Variants in SGSM3 observed in about 807,000 individuals in gnomAD.
The protein encoded by SGSM3 is small G protein signaling modulator 3.
SGSM3 carries 96 observed loss-of-function variants against 100.5 expected under a neutral mutation model. The ratio of observed to expected loss-of-function variants is 0.96; its 90% CI spans 0.81 to 1.13. The LOEUF (loss-of-function observed/expected upper bound fraction) is 1.13, where lower values mean the gene tolerates loss of function less well. SGSM3 is among the 50% of genes most tolerant of loss of function. The pLI is 0.00. For missense variants in SGSM3, 1,001 were observed against 1,015.8 expected, an observed-to-expected ratio of 0.99 and a Z score of 0.20; for synonymous variants, 483 against 422.8, an observed-to-expected ratio of 1.14 and a Z score of -1.75.
At chr22:40,406,312 A>C in intron 9 of SGSM3, 89 bp downstream of exon 9, 1 of 1,560,130 alleles carries the variant, frequency 6.4e-7, no homozygotes, top group Middle Eastern at 2.0e-4. Context: ...AGGCAAGACC[A>C]GCCCCCTGGC....
chr22:40,405,568 T>A, intron 7 of SGSM3, 81 bp from the exon 8 acceptor site: 2 of 1,304,360 alleles, frequency 1.5e-6, no homozygotes, highest in South Asian at 2.9e-5. Context: ...TTTTGCTAAT[T>A]GGTCTCCCTA....
chr22:40,410,095 C>CTGTCT lies in SGSM3; in HGVS notation c.*338_*342dup, dbSNP rs1555954230. On this transcript the variant is annotated 3_prime_UTR_variant, in exon 22 of 22. Coordinates refer to ENST00000248929, the MANE Select transcript of SGSM3 (RefSeq NM_015705.6). The stretch of plus-strand genomic sequence containing the variant: ...TCTTTGGTTTATAAATAAACTGTGT[C>CTGTCT]TGTCTTTGAGAAAGCACCTACCTGT... The CTGTCT allele has an allele frequency of 5.8e-6, 7 of 1,199,602 alleles. No homozygotes were observed. The highest frequency in any genetic ancestry group is 5.7e-5 in the South Asian group (2 of 34,840). 74.3% of individuals were successfully genotyped at this position (1,199,602 alleles called of 1,614,324 possible).
Position 40,409,884 on chromosome 22 carries a change from C to CCCCACTCCACGTT in SGSM3, c.*129_*141dup. The CCCCACTCCACGTT allele has an allele frequency of 3.5e-6, 5 of 1,436,376 alleles. No individual in the cohort carries two copies. The South Asian group carries it at 6.0e-5, about 17-fold the overall frequency. 89.0% of individuals were successfully genotyped at this position (1,436,376 alleles called of 1,614,324 possible). A position where few individuals can be genotyped will look rare whatever the true frequency, so the allele number is the denominator to read the frequency against. ...GCCGCGGGATATCAATATCAGGCTGCCCCACTCCACGTTCCCCAGCACATC... is the reference window on the plus strand; with the variant it reads ...GCCGCGGGATATCAATATCAGGCTGCCCCACTCCACGTTCCCACTCCACGTTCCCCAGCACATC... On this transcript the variant is annotated 3_prime_UTR_variant, in exon 22 of 22. Transcript: ENST00000248929.
chr22:40,403,323 T>C (rs1238798014), intron 4 of SGSM3, among the ~76,000 whole-genome samples: 2 of 152,206 alleles, frequency 1.3e-5, no homozygotes, highest in African/African-American at 4.8e-5. Flanking sequence ...GTTGCTGGGC[T>C]GCCACAGGAG....
intron 1 of SGSM3, among the ~76,000 whole-genome samples, chr22:40,392,018 C>T (rs1181415397): frequency 6.6e-6 from 1 of 152,126 alleles, no homozygotes; most frequent in Admixed American, 6.5e-5. Flanking sequence ...CTGCACTTTT[C>T]CTTGTTTGTA....
At chr22:40,398,611 T>A (rs2050344108) in intron 1 of SGSM3, among the ~76,000 whole-genome samples, 1 of 141,808 alleles carries the variant, frequency 7.1e-6, no homozygotes, top group African/African-American at 2.6e-5. Flanking sequence ...ACATGTTATG[T>A]GGAACCATAC....
At chr22:40,377,885 T>G (rs946170576) in intron 1 of SGSM3, among the ~76,000 whole-genome samples, 2 of 151,832 alleles carry the variant, frequency 1.3e-5, no homozygotes, top group African/African-American at 4.8e-5. Flanking sequence ...CAGCTAACTT[T>G]AACCTGAAGA....
At chr22:40,393,663 A>G (rs1313354656) in intron 1 of SGSM3, among the ~76,000 whole-genome samples, 7 of 152,232 alleles carry the variant, frequency 4.6e-5, no homozygotes, top group African/African-American at 1.7e-4. Context: ...CTGTAACAGA[A>G]TATGCTGGGT....
At chr22:40,381,549 T>C (rs2047586774) in intron 1 of SGSM3, among the ~76,000 whole-genome samples, 1 of 152,196 alleles carries the variant, frequency 6.6e-6, no homozygotes, top group African/African-American at 2.4e-5. Flanking sequence ...ATCTAGAAGC[T>C]AAATAACTGG....
rs201695534 is a variant in SGSM3 at position 40,408,424 on chromosome 22, G to A, written c.1777G>A (p.Glu593Lys). 6.8e-6 allele frequency: 11 copies of A among 1,613,462 alleles called. No homozygotes were observed. The highest frequency in any genetic ancestry group is 1.6e-4 in the Middle Eastern group (1 of 6,062). Residue 593 changes from glutamate (E) to lysine (K), a missense_variant, in exon 16 of 22, where the codon GAG becomes AAG. Physicochemically the swap from Glu to Lys is moderately conservative, Grantham distance 56. Coordinates refer to ENST00000248929, the MANE Select transcript of SGSM3 (RefSeq NM_015705.6). Reference sequence around the variant, plus strand: ...CGCCTGCCACCCCTGGCTGTTTATCGAGGAGGTAAGTCAGTGGCTGGGCCC... The same window carrying A: ...CGCCTGCCACCCCTGGCTGTTTATCAAGGAGGTAAGTCAGTGGCTGGGCCC... ...GGACHPWLFI[E>K]EAAGREVERD...
Position 40,400,703 on chromosome 22 carries a change from G to T in SGSM3, c.-104G>T, listed in dbSNP as rs2050637233. On this transcript the variant is annotated 5_prime_UTR_variant, in exon 2 of 22. An upstream start codon of the reference 5' UTR is lost. Transcript: ENST00000248929. ...TCTTTTCTCTTCTAACAGGGCAGAT[G>T]ATTCTGGACCAGATGAAGCCTGAGG... 28 of 1,117,330 alleles carry T rather than the reference G, an allele frequency of 2.5e-5. No individual in the cohort carries two copies. Among genetic ancestry groups the T allele is most frequent in the Non-Finnish European group, 3.7e-5 (28 of 759,610 alleles). 69.2% of individuals were successfully genotyped at this position (1,117,330 alleles called of 1,614,324 possible).
Position 40,405,631 on chromosome 22 carries a change from T to G in SGSM3, c.619-18T>G, listed in dbSNP as rs2051380755. The G allele has an allele frequency of 6.2e-7, 1 of 1,607,574 alleles. No homozygotes were observed. The highest frequency in any genetic ancestry group is 2.2e-5 in the East Asian group (1 of 44,820). The stretch of plus-strand genomic sequence containing the variant: ...CAAAGACCTGGGTAGAAGGCCCTTG[T>G]CCCTGTGCCCTGGCCAGGTGGCCGC... On this transcript the variant is annotated intron_variant, in intron 7 of 21. Transcript: ENST00000248929.
intron 1 of SGSM3, among the ~76,000 whole-genome samples, chr22:40,383,904 A>G (rs190772842): frequency 6.6e-6 from 1 of 152,264 alleles, no homozygotes; most frequent in East Asian, 1.9e-4. Flanking sequence ...TGCTAGAGGT[A>G]TTTTAGAGGT....
chr22:40,375,441 G>A (rs1322871243), intron 1 of SGSM3, among the ~76,000 whole-genome samples: 3 of 151,930 alleles, frequency 2.0e-5, no homozygotes, highest in African/African-American at 7.3e-5. Flanking sequence ...TTAGCTGGGT[G>A]TGGTGGCAGG....
chr22:40,402,699 A>G (rs2146964240), intron 4 of SGSM3, among the ~76,000 whole-genome samples: 1 of 152,376 alleles, frequency 6.6e-6, no homozygotes. Flanking sequence ...AGACTGCGCC[A>G]CTGCACTCCA....
intron 1 of SGSM3, among the ~76,000 whole-genome samples, chr22:40,374,896 T>C (rs574001167): frequency 3.9e-4 from 59 of 152,238 alleles, no homozygotes; most frequent in African/African-American, 1.3e-3. Context: ...AACAAACACA[T>C]TGTACCAGTA....
chr22:40,376,872 G>A (rs1023783011), intron 1 of SGSM3, among the ~76,000 whole-genome samples: 4 of 152,008 alleles, frequency 2.6e-5, no homozygotes, highest in Admixed American at 6.6e-5. Flanking sequence ...AAGCATTTAC[G>A]GTATTAAGTA....
chr22:40,408,300 G>A lies in SGSM3; in HGVS notation c.1653G>A (p.Ser551=), dbSNP rs775450044. The change falls in exon 16 of 22, where the codon TCG becomes TCA. Residue 551 remains serine (S), a synonymous_variant. Transcript: ENST00000248929. The part of the protein sequence containing the change: ...SKEYSIAGDD[S]VTEGVTDLVR... ...AGTACTCCATCGCGGGGGATGACTC[G>A]GTGACGGAGGGGGTCACAGACCTCG... The A allele has an allele frequency of 1.8e-5, 29 of 1,613,478 alleles. No homozygotes were observed. The highest frequency in any genetic ancestry group is 3.3e-5 in the Admixed American group (2 of 60,002).
chr22:40,373,644 T>C (rs1037098828), intron 1 of SGSM3: 1 of 152,368 alleles, frequency 6.6e-6, no homozygotes, highest in Non-Finnish European at 1.5e-5. Flanking sequence ...TGAGACATAG[T>C]CTCACTCTGT....
Sources: gnomAD v4.1 joint callset for allele counts (sites outside exome capture counted in the v4.1 genomes callset) on GRCh38, gnomAD v4.1.1 for gene constraint, MANE v1.5 for transcripts, NCBI Gene and HGNC (gene_info 2026-07-23, HGNC 2026-07-21) for gene names.